Variants in DMD observed in about 807,000 individuals in gnomAD.
DMD encodes mutant dystrophin.
In DMD, 63 loss-of-function variants were observed where a neutral mutation model predicts 330.1. That is an observed-to-expected ratio of 0.19 (90% CI 0.16 to 0.24). The LOEUF is 0.24. Among genes scored for constraint, DMD ranks in the 10% least tolerant of loss-of-function variants. The probability of loss-of-function intolerance (pLI) is 1.00; values close to 1 mark genes in which losing one functional copy is unlikely to be tolerated. For missense variants in DMD, 3,344 were observed against 2,684.1 expected (o/e 1.25, Z -5.43); for synonymous variants, 1,223 against 959.8 (o/e 1.27, Z -5.07).
intron 20 of DMD, among the ~76,000 whole-genome samples, chrX:32,486,719 TTGACAAACC>T (rs1344339081): frequency 4.7e-5 from 5 of 105,955 alleles, no homozygotes; most frequent in African/African-American, 1.7e-4. Flanking sequence ...TATCTGATCT[TTGACAAACC>T]TGACAAAAAC....
chrX:33,129,489 T>C (rs931868494), intron 1 of DMD, among the ~76,000 whole-genome samples: 8 of 102,638 alleles, frequency 7.8e-5, no homozygotes, highest in African/African-American at 2.5e-4. Context: ...ACTTATTTCA[T>C]TTTTACGTAA....
chrX:31,306,333 A>T (rs1426755479), intron 62 of DMD, among the ~76,000 whole-genome samples: 1 of 111,811 alleles, frequency 8.9e-6, no homozygotes, highest in Non-Finnish European at 1.9e-5. Flanking sequence ...TCACTGAGAA[A>T]TGAAGTTCAG....
intron 2 of DMD, among the ~76,000 whole-genome samples, chrX:32,876,003 T>G (rs938545029): frequency 2.7e-5 from 3 of 112,003 alleles, no homozygotes; most frequent in Non-Finnish European, 3.8e-5. Context: ...CCTATGATAC[T>G]TTCTCACTGC....
At chrX:32,910,123 T>A (rs1243500758) in intron 2 of DMD, among the ~76,000 whole-genome samples, 1 of 111,663 alleles carries the variant, frequency 9.0e-6, no homozygotes, top group Non-Finnish European at 1.9e-5. Flanking sequence ...GAATGAGAAT[T>A]GCACACACAC....
intron 1 of DMD, among the ~76,000 whole-genome samples, chrX:33,048,506 A>T (rs1344947211): frequency 9.2e-6 from 1 of 109,059 alleles, no homozygotes; most frequent in African/African-American, 3.3e-5. Context: ...CGTGCCCAAC[A>T]TGGTGAAATC....
chrX:32,564,723 G>A (rs760534445), intron 16 of DMD, among the ~76,000 whole-genome samples: 11 of 111,573 alleles, frequency 9.9e-5, no homozygotes, highest in Non-Finnish European at 1.9e-4. Context: ...GGTTTATTAC[G>A]CTGTCTTAAA....
chrX:32,158,512 T>C (rs1477590752), intron 44 of DMD, among the ~76,000 whole-genome samples: 1 of 111,994 alleles, frequency 8.9e-6, no homozygotes, highest in African/African-American at 3.2e-5. Context: ...AGCTCCCAAG[T>C]GGTACTGCTG....
chrX:31,609,943 G>C (rs775052201), intron 55 of DMD, among the ~76,000 whole-genome samples: 1 of 111,285 alleles, frequency 9.0e-6, no homozygotes, highest in South Asian at 3.8e-4. Flanking sequence ...GGCCAGAGTA[G>C]TCCTCTCTCC....
chrX:31,571,653 ACAT>A (rs2147948956), intron 55 of DMD, among the ~76,000 whole-genome samples: 1 of 111,422 alleles, frequency 9.0e-6, no homozygotes, highest in South Asian at 3.8e-4. Flanking sequence ...CAGAGAATTC[ACAT>A]CACAGTCCTG....
At chrX:31,466,501 C>T (rs1479107053) in intron 59 of DMD, among the ~76,000 whole-genome samples, 1 of 110,369 alleles carries the variant, frequency 9.1e-6, no homozygotes, top group Non-Finnish European at 1.9e-5. Flanking sequence ...ATTTCTGAGG[C>T]CTCTGTTCCA....
intron 55 of DMD, among the ~76,000 whole-genome samples, chrX:31,515,219 A>C (rs1170642373): frequency 1.8e-5 from 2 of 111,792 alleles, no homozygotes; most frequent in African/African-American, 6.5e-5. Context: ...CATTTTATTA[A>C]CCATTAAGCA....
intron 11 of DMD, among the ~76,000 whole-genome samples, chrX:32,619,490 G>A (rs1018198861): frequency 8.9e-6 from 1 of 111,828 alleles, no homozygotes; most frequent in African/African-American, 3.2e-5. Flanking sequence ...GTAAGGTAAT[G>A]CATATGTTAA....
chrX:32,349,427 A>C (rs749008879), intron 37 of DMD, among the ~76,000 whole-genome samples: 1 of 111,365 alleles, frequency 9.0e-6, no homozygotes, highest in Non-Finnish European at 1.9e-5. Flanking sequence ...CATAGATGAC[A>C]TACAGAAATC....
intron 51 of DMD, among the ~76,000 whole-genome samples, chrX:31,757,396 C>T (rs2089203693): frequency 2.7e-5 from 3 of 111,977 alleles, no homozygotes; most frequent in Non-Finnish European, 5.6e-5. Flanking sequence ...CTTAGTTCCC[C>T]AGCTGCTAGG....
intron 1 of DMD, among the ~76,000 whole-genome samples, chrX:33,259,797 C>T (rs1193802717): frequency 2.7e-5 from 3 of 109,494 alleles, no homozygotes; most frequent in Non-Finnish European, 5.7e-5. Context: ...GCCACATAGT[C>T]GAAATTCAAC....
At chrX:33,261,773 T>A (rs2052960552) in intron 1 of DMD, among the ~76,000 whole-genome samples, 1 of 110,486 alleles carries the variant, frequency 9.1e-6, no homozygotes, top group African/African-American at 3.3e-5. Context: ...TAGTAGACTA[T>A]CTGAATCTAG....
intron 29 of DMD, among the ~76,000 whole-genome samples, chrX:32,421,926 G>A (rs752092636): frequency 3.1e-3 from 345 of 111,640 alleles, no homozygotes; most frequent in African/African-American, 0.011. Context: ...TTCGGGTGAG[G>A]GAGAGAGGTA....
chrX:33,044,935 T>C (rs917652511), intron 1 of DMD, among the ~76,000 whole-genome samples: 2 of 111,464 alleles, frequency 1.8e-5, no homozygotes, highest in Non-Finnish European at 3.8e-5. Flanking sequence ...CCAAGAGGAT[T>C]TGGGGTAAAA....
chrX:31,658,985 G>A (rs1207590786), intron 53 of DMD, among the ~76,000 whole-genome samples: 4 of 111,649 alleles, frequency 3.6e-5, no homozygotes, highest in African/African-American at 6.5e-5. Context: ...AATGGACACA[G>A]GAATAGGAAC....
Sources: gnomAD v4.1 joint callset for allele counts (sites outside exome capture counted in the v4.1 genomes callset) on GRCh38, gnomAD v4.1.1 for gene constraint, MANE v1.5 for transcripts, NCBI Gene and HGNC (gene_info 2026-07-23, HGNC 2026-07-21) for gene names.